Variants in VDR observed in about 807,000 individuals in gnomAD.
The protein encoded by VDR is vitamin D receptor.
A neutral mutation model predicts 39.7 loss-of-function variants in VDR; 19 were observed. That is an observed-to-expected ratio of 0.48 (90% CI 0.33 to 0.70). The LOEUF (loss-of-function observed/expected upper bound fraction) is 0.70, where lower values mean the gene tolerates loss of function less well. VDR is among the 30% of genes least tolerant of loss of function. The probability of loss-of-function intolerance (pLI) is 0.02; values close to 1 mark genes in which losing one functional copy is unlikely to be tolerated. For synonymous variants in VDR, 242 were observed against 215.8 expected, an observed-to-expected ratio of 1.12 and a Z score of -1.07; for missense variants, 442 against 570.5, an observed-to-expected ratio of 0.77 and a Z score of 2.29.
chr12:47,869,138 T>C (rs1010601933), intron 3 of VDR, among the ~76,000 whole-genome samples: 1 of 152,208 alleles, frequency 6.6e-6, no homozygotes, highest in South Asian at 2.1e-4. Flanking sequence ...CTCATTTTTC[T>C]CATGTCACTT....
chr12:47,901,728 G>A (rs1192707632), intron 1 of VDR, among the ~76,000 whole-genome samples: 1 of 152,230 alleles, frequency 6.6e-6, no homozygotes, highest in South Asian at 2.1e-4. Context: ...TATGGAGGAA[G>A]AGGGAAGAGG....
chr12:47,845,142 T>C, intron 9 of VDR, 137 bp from the exon 10 acceptor site: 1 of 1,358,524 alleles, frequency 7.4e-7, no homozygotes, highest in Non-Finnish European at 1.0e-6. Flanking sequence ...TGCTGACCGG[T>C]GATACCACTG....
chr12:47,903,099 C>G (rs565641460), intron 1 of VDR, among the ~76,000 whole-genome samples: 4 of 152,334 alleles, frequency 2.6e-5, no homozygotes, highest in African/African-American at 9.6e-5. Context: ...TGGCCTCTGC[C>G]GAAGAGGAGT....
In VDR at chr12:47,864,960, C is replaced by G. The variant is rs945520301; in HGVS notation, c.277+87G>C. The G allele has an allele frequency of 1.8e-5, 28 of 1,589,742 alleles. No homozygotes were observed. In the East Asian group the frequency reaches 6.3e-4, roughly 36 times the overall value. ...AGCTACAGAGGAAGGGCAGGCAGAC[C>G]CTCTGCCCAAACTTGCAGGAGAGTG... On this transcript the variant is annotated intron_variant, in intron 4 of 9. Coordinates refer to ENST00000549336, the MANE Select transcript of VDR (RefSeq NM_000376.3).
intron 7 of VDR, 103 bp from the exon 8 acceptor site, chr12:47,846,911 A>G (rs1014974048): frequency 1.5e-6 from 2 of 1,375,638 alleles, no homozygotes; most frequent in African/African-American, 1.4e-5. Context: ...GGGCACCAAC[A>G]TGCACCCTGG....
intron 2 of VDR, among the ~76,000 whole-genome samples, chr12:47,880,358 T>C (rs976235786): frequency 6.6e-6 from 1 of 152,132 alleles, no homozygotes; most frequent in Non-Finnish European, 1.5e-5. Flanking sequence ...TGATCTAGGG[T>C]GTGGAATATC....
intron 3 of VDR, among the ~76,000 whole-genome samples, chr12:47,876,094 G>C (rs1264505225): frequency 1.3e-5 from 2 of 152,216 alleles, no homozygotes; most frequent in African/African-American, 4.8e-5. Flanking sequence ...GCCAAGTCAT[G>C]TGAATTTTTC....
At chr12:47,847,108 C>G (rs892760356) in intron 7 of VDR, among the ~76,000 whole-genome samples, 14 of 152,236 alleles carry the variant, frequency 9.2e-5, no homozygotes, top group Middle Eastern at 3.4e-3. Flanking sequence ...GGGAAGTTCC[C>G]AGCATTGAGG....
chr12:47,848,860 C>A (rs1193463718), intron 7 of VDR, among the ~76,000 whole-genome samples: 1 of 152,206 alleles, frequency 6.6e-6, no homozygotes, highest in African/African-American at 2.4e-5. Context: ...GCCACTGCAC[C>A]CGGCCACTTG....
chr12:47,904,601 A>C, intron 1 of VDR: 1 of 1,535,962 alleles, frequency 6.5e-7, no homozygotes, highest in Non-Finnish European at 8.7e-7. Context: ...TCGACAGCCA[A>C]TCGCTCCTTT....
At chr12:47,853,279 A>C (rs1452402578) in intron 7 of VDR, among the ~76,000 whole-genome samples, 2 of 151,518 alleles carry the variant, frequency 1.3e-5, no homozygotes, top group African/African-American at 4.9e-5. Context: ...TGTCTCTACT[A>C]AAAATACAAA....
At chr12:47,867,621 T>C (rs1410223903) in intron 3 of VDR, among the ~76,000 whole-genome samples, 1 of 152,180 alleles carries the variant, frequency 6.6e-6, no homozygotes, top group African/African-American at 2.4e-5. Context: ...GGCCCCACTT[T>C]TCTGACATAG....
intron 7 of VDR, among the ~76,000 whole-genome samples, chr12:47,847,485 C>A (rs896604020): frequency 6.6e-6 from 1 of 152,134 alleles, no homozygotes; most frequent in Non-Finnish European, 1.5e-5. Context: ...ACCTCTCATT[C>A]CAACTCCCTT....
chr12:47,857,002 G>A (rs1945501961), intron 6 of VDR, 127 bp downstream of exon 6: 6 of 1,438,670 alleles, frequency 4.2e-6, no homozygotes, highest in Non-Finnish European at 5.8e-6. Context: ...GCTGCATAGC[G>A]CACAGTATTT....
intron 4 of VDR, among the ~76,000 whole-genome samples, chr12:47,858,145 T>C (rs1285761167): frequency 6.6e-6 from 1 of 152,160 alleles, no homozygotes; most frequent in African/African-American, 2.4e-5. Context: ...AAGGATCAAC[T>C]GATTTGAGAA....
intron 3 of VDR, among the ~76,000 whole-genome samples, chr12:47,867,989 G>T (rs572065143): frequency 1.3e-5 from 2 of 152,302 alleles, no homozygotes; most frequent in South Asian, 2.1e-4. Context: ...GGCAGGCCCA[G>T]ACTCTTAGAT....
At chr12:47,849,877 G>T (rs1487177889) in intron 7 of VDR, among the ~76,000 whole-genome samples, 1 of 150,488 alleles carries the variant, frequency 6.6e-6, no homozygotes, top group Non-Finnish European at 1.5e-5. Flanking sequence ...TTTTGAGACA[G>T]TCTTGCTCTG....
chr12:47,890,156 G>A (rs534084680), intron 1 of VDR, among the ~76,000 whole-genome samples: 3 of 151,794 alleles, frequency 2.0e-5, no homozygotes, highest in Admixed American at 1.3e-4. Flanking sequence ...TCACTGCCAC[G>A]AAACAAGGCG....
Position 47,857,513 on chromosome 12 carries a change from G to A in VDR, c.453C>T (p.Cys151=). 5 of 1,614,184 alleles carry A rather than the reference G, an allele frequency of 3.1e-6. No homozygotes were observed. The highest frequency in any genetic ancestry group is 4.2e-6 in the Non-Finnish European group (5 of 1,180,030). Residue 151 remains cysteine, a synonymous_variant, in exon 5 of 10, where the codon TGC becomes TGT. Transcript: ENST00000549336. ...KTYDPTYSDF[C]QFRPPVRVND... is the part of the protein sequence containing the mutation. ...CAGCAGGCAGACATACCCGGAACTG[G>A]CAGAAGTCGGAGTAGGTGGGGTCGT...
Sources: allele counts gnomAD v4.1 joint callset (sites outside exome capture counted in the v4.1 genomes callset), GRCh38; gene constraint gnomAD v4.1.1; transcripts MANE v1.5; gene names NCBI Gene and HGNC (gene_info 2026-07-23, HGNC 2026-07-21).